Variants in SPHKAP observed in about 807,000 individuals in gnomAD.
SPHKAP encodes A-kinase anchor protein SPHKAP.
A neutral mutation model predicts 137.5 loss-of-function variants in SPHKAP; 67 were observed. That is an observed-to-expected ratio of 0.49 (90% CI 0.40 to 0.60). The LOEUF (loss-of-function observed/expected upper bound fraction) is 0.60, where lower values mean the gene tolerates loss of function less well. Among genes scored for constraint, SPHKAP ranks in the 20% least tolerant of loss-of-function variants. The pLI, the probability that SPHKAP is intolerant of heterozygous loss-of-function variation, is 0.00. For missense variants in SPHKAP, 2,097 were observed against 2,069.3 expected (o/e 1.01, Z -0.26); for synonymous variants, 813 against 785.3 (o/e 1.04, Z -0.59).
intron 3 of SPHKAP, among the ~76,000 whole-genome samples, chr2:228,086,660 G>A (rs571903417): frequency 2.6e-5 from 4 of 152,204 alleles, no homozygotes; most frequent in Admixed American, 1.3e-4. Flanking sequence ...ACCGGACCTC[G>A]GAGGATACCA....
At chr2:228,071,862 G>A (rs1697015763) in intron 3 of SPHKAP, among the ~76,000 whole-genome samples, 1 of 152,108 alleles carries the variant, frequency 6.6e-6, no homozygotes, top group African/African-American at 2.4e-5. Context: ...CAGTGTGATG[G>A]TTGGTTTTAT....
intron 2 of SPHKAP, among the ~76,000 whole-genome samples, chr2:228,118,752 G>A (rs1018225937): frequency 4.6e-5 from 7 of 152,070 alleles, no homozygotes; most frequent in Admixed American, 4.6e-4. Context: ...TATAAAACAA[G>A]GATAATGCCA....
chr2:228,178,342 T>A (rs1284435135), intron 1 of SPHKAP, among the ~76,000 whole-genome samples: 1 of 152,186 alleles, frequency 6.6e-6, no homozygotes, highest in Admixed American at 6.5e-5. Context: ...GAAATGGAGA[T>A]GATAATATCT....
At chr2:228,008,257 A>G (rs1201526686) in intron 7 of SPHKAP, among the ~76,000 whole-genome samples, 1 of 150,462 alleles carries the variant, frequency 6.6e-6, no homozygotes, top group Non-Finnish European at 1.5e-5. Context: ...CATACCCACA[A>G]TCCATCTAGA....
chr2:228,096,051 G>C (rs902989704), intron 3 of SPHKAP, among the ~76,000 whole-genome samples: 4 of 152,182 alleles, frequency 2.6e-5, no homozygotes, highest in African/African-American at 9.7e-5. Context: ...TAAAAATTTT[G>C]CATGAACATG....
intron 3 of SPHKAP, among the ~76,000 whole-genome samples, chr2:228,062,611 A>T (rs1298897293): frequency 6.6e-6 from 1 of 152,168 alleles, no homozygotes; most frequent in South Asian, 2.1e-4. Flanking sequence ...AATGGAAAAA[A>T]AAAATAAAAT....
chr2:228,030,651 G>T (rs561485037), intron 3 of SPHKAP, among the ~76,000 whole-genome samples: 1 of 150,436 alleles, frequency 6.6e-6, no homozygotes, highest in Non-Finnish European at 1.5e-5. Flanking sequence ...AACTTAAAAG[G>T]GCTGGCAAAT....
chr2:228,135,526 T>C (rs1186305457), intron 1 of SPHKAP, among the ~76,000 whole-genome samples: 2 of 152,210 alleles, frequency 1.3e-5, no homozygotes, highest in African/African-American at 2.4e-5. Context: ...GCTCATCTAA[T>C]AGAAGGAAGT....
intron 1 of SPHKAP, among the ~76,000 whole-genome samples, chr2:228,163,610 G>A (rs1209525984): frequency 6.6e-6 from 1 of 152,162 alleles, no homozygotes; most frequent in Non-Finnish European, 1.5e-5. Flanking sequence ...CAACATGGGT[G>A]TTTGCAGGTG....
At chr2:228,035,131 C>T (rs1329456703) in intron 3 of SPHKAP, among the ~76,000 whole-genome samples, 3 of 146,302 alleles carry the variant, frequency 2.1e-5, no homozygotes, top group East Asian at 2.0e-4. Flanking sequence ...TCTAGAAAAC[C>T]CCATTGTCTC....
chr2:228,020,306 T>G, intron 6 of SPHKAP, 150 bp from the exon 7 acceptor site: 4 of 1,116,936 alleles, frequency 3.6e-6, no homozygotes, highest in Non-Finnish European at 5.0e-6. Flanking sequence ...AGCAAAGACT[T>G]GGAACCAACC....
At chr2:228,171,469 C>T (rs1700582850) in intron 1 of SPHKAP, among the ~76,000 whole-genome samples, 1 of 152,056 alleles carries the variant, frequency 6.6e-6, no homozygotes, top group African/African-American at 2.4e-5. Flanking sequence ...TATAAGTTTG[C>T]TTATATTGTA....
At chr2:228,094,989 G>A (rs1697934685) in intron 3 of SPHKAP, among the ~76,000 whole-genome samples, 1 of 152,076 alleles carries the variant, frequency 6.6e-6, no homozygotes, top group African/African-American at 2.4e-5. Context: ...GTGATGCTGG[G>A]GCTGAAAACA....
intron 3 of SPHKAP, among the ~76,000 whole-genome samples, chr2:228,091,625 C>T (rs1697736224): frequency 1.3e-5 from 2 of 152,014 alleles, no homozygotes; most frequent in African/African-American, 4.8e-5. Context: ...ATAGACAATT[C>T]TGAAAAGAAG....
Position 228,181,681 on chromosome 2 carries a change from C to T in SPHKAP, c.-83G>A. On this transcript the variant is annotated 5_prime_UTR_variant, in exon 1 of 12. Transcript: ENST00000392056. The surrounding 1 kb of genome is among the most constrained non-coding windows in gnomAD (Gnocchi z 4.3). ...GTGCTAGGACCCAGCTCCCAGAGTG[C>T]CAGACTGGCGCGCGCCAGGAGAGAG... 1.2e-6 allele frequency: 2 copies of T among 1,613,172 alleles called. No individual in the cohort carries two copies. Among genetic ancestry groups the T allele is most frequent in the South Asian group, 2.2e-5 (2 of 91,046 alleles).
At chr2:227,982,643 A>G (rs1047869383) in intron 11 of SPHKAP, among the ~76,000 whole-genome samples, 2 of 152,214 alleles carry the variant, frequency 1.3e-5, no homozygotes, top group African/African-American at 4.8e-5. Flanking sequence ...GAAAGCCAGG[A>G]ACTGTAGGAA....
chr2:228,005,648 T>A lies in SPHKAP; in HGVS notation c.4449-9954A>T, dbSNP rs1042034562. Among the ~76,000 whole-genome samples, 3 of 152,356 alleles carry A rather than the reference T, an allele frequency of 2.0e-5. 1 individual carries two copies. In the South Asian group the frequency reaches 6.2e-4, roughly 32 times the overall value. On this transcript the variant is annotated intron_variant, in intron 7 of 11. Transcript: ENST00000392056. ...TGATGCAGTTTATTCCTAGCATTGA[T>A]GGTCTTTACAATTTGGCATGTTTTT...
intron 7 of SPHKAP, among the ~76,000 whole-genome samples, chr2:228,015,968 CTATTAA>C (rs1317948231): frequency 4.1e-4 from 62 of 152,120 alleles, no homozygotes; most frequent in Non-Finnish European, 8.2e-4. Flanking sequence ...GCATCATATA[CTATTAA>C]TATTATTATT....
chr2:228,114,721 C>A (rs1226649032), intron 2 of SPHKAP, among the ~76,000 whole-genome samples: 2 of 152,144 alleles, frequency 1.3e-5, no homozygotes. Flanking sequence ...CTCTTCACAA[C>A]ATTTGACAAT....
Sources: gnomAD v4.1 joint callset for allele counts (sites outside exome capture counted in the v4.1 genomes callset) on GRCh38, gnomAD v4.1.1 for gene constraint, Gnocchi (gnomAD v3.1) non-coding constraint, MANE v1.5 for transcripts, NCBI Gene and HGNC (gene_info 2026-07-23, HGNC 2026-07-21) for gene names.